The following NHSL1 variants were observed in gnomAD, a reference collection of about 807,000 sequenced individuals.
NHSL1 encodes the protein NHS-like protein 1.
A neutral mutation model predicts 95.0 loss-of-function variants in NHSL1; 48 were observed. The observed-to-expected ratio is 0.51, with a 90% CI of 0.40 to 0.64. The LOEUF (loss-of-function observed/expected upper bound fraction) is 0.64. Ranked by LOEUF, NHSL1 falls within the 30% of genes least tolerant of loss-of-function variation. The pLI, the probability that NHSL1 is intolerant of heterozygous loss-of-function variation, is 0.00. For missense variants in NHSL1, 1,971 were observed against 2,077.7 expected (o/e 0.95, Z 1.00); for synonymous variants, 783 against 833.9 (o/e 0.94, Z 1.05).
chr6:138,549,640 G>T (rs1782927788), upstream of NHSL1, among the ~76,000 whole-genome samples: 1 of 152,214 alleles, frequency 6.6e-6, no homozygotes, highest in South Asian at 2.1e-4. Context: ...GGGGTAATTT[G>T]TTACAGTGAC....
intron 1 of NHSL1, among the ~76,000 whole-genome samples, chr6:138,582,803 C>G (rs144824294): frequency 7.2e-4 from 109 of 152,330 alleles, no homozygotes; most frequent in Middle Eastern, 3.4e-3. Flanking sequence ...TGGAACATTT[C>G]TCATCTTTTC....
chr6:138,431,847 TTGAC>T lies in NHSL1; in HGVS notation c.2494_2497del (p.Val832AsnfsTer37). On this transcript the variant is annotated frameshift_variant, in exon 6 of 8. Transcript: ENST00000343505. LOFTEE classifies it high-confidence loss of function. This position sits in a 1 kb window ranked among gnomAD's most constrained non-coding sequence, Gnocchi z 4.0. ...CTTCTCTGGTGACATGATCTTTGGT[TTGAC>T]TGAACCACCGGGCACTTGGGGCATT... 2.6e-6 allele frequency: 4 copies of T among 1,551,682 alleles called. No homozygotes were observed. The highest frequency in any genetic ancestry group is 3.5e-6 in the Non-Finnish European group (4 of 1,146,978).
chr6:138,567,388 G>A (rs920383865), intron 1 of NHSL1, among the ~76,000 whole-genome samples: 7 of 152,176 alleles, frequency 4.6e-5, no homozygotes, highest in Middle Eastern at 3.4e-3. Context: ...TTCGGCCTCC[G>A]AAAATGTTGG....
rs1409652116 is a variant in NHSL1, at chr6:138,430,768, G to T, written c.3577C>A (p.Pro1193Thr). The change falls in exon 6 of 8, where the codon CCC (proline) becomes ACC (threonine). Residue 1193 changes from proline (P) to threonine (T), a missense_variant. By Grantham distance (38) the Pro-to-Thr change is conservative. Transcript: ENST00000343505. The surrounding 1 kb of genome is among the most constrained non-coding windows in gnomAD (Gnocchi z 4.7). ...LPDSSPSRKP[P>T]PISKKPKLFL... ...AGTTTGGGCTTCTTGGAAATGGGGG[G>T]TGGCTTCCTGCTGGGTGAAGAGTCT... 1.9e-6 allele frequency: 3 copies of T among 1,551,578 alleles called. No individual in the cohort carries two copies. The African/African-American group carries it at 4.1e-5, about 21-fold the overall frequency.
Position 138,424,412 on chromosome 6 carries a change from T to C in NHSL1, c.4490A>G (p.Tyr1497Cys), listed in dbSNP as rs1240759716. The C allele has an allele frequency of 6.5e-7, 1 of 1,550,072 alleles. No homozygotes were observed. The highest frequency in any genetic ancestry group is 8.7e-7 in the Non-Finnish European group (1 of 1,146,030). The change falls in exon 8 of 8, where the codon TAC (tyrosine) becomes TGC (cysteine). Residue 1497 changes from tyrosine to cysteine, a missense_variant. Physicochemically the swap from Tyr to Cys is radical, Grantham distance 194. This residue lies in a region of NHSL1 where 223 missense variants were observed against 217.0 expected (regional missense o/e 1.03). Transcript: ENST00000343505. This position sits in a 1 kb window ranked among gnomAD's most constrained non-coding sequence, Gnocchi z 5.9. Reference sequence around the variant, plus strand: ...AGAAGGCGGCGTTCGGCTGCGGCCGTACCTGGGGCCGGAAAAGGACAGACT... The same window carrying C: ...AGAAGGCGGCGTTCGGCTGCGGCCGCACCTGGGGCCGGAAAAGGACAGACT... ...PRSLSFSGPR[Y>C]GRSRTPPSAA...
intron 1 of NHSL1, among the ~76,000 whole-genome samples, chr6:138,631,569 C>T (rs1402970495): frequency 6.6e-6 from 1 of 152,120 alleles, no homozygotes; most frequent in Non-Finnish European, 1.5e-5. Context: ...GGCCCCCTTC[C>T]CAGGCCCTAG....
In NHSL1 at chr6:138,579,515, G is replaced by C. The variant is rs544946120; in HGVS notation, c.97-83144C>G. Among the ~76,000 whole-genome samples, 3 of 152,350 alleles carry C rather than the reference G, an allele frequency of 2.0e-5. No individual in the cohort carries two copies. The East Asian group carries it at 5.8e-4, about 29-fold the overall frequency. On this transcript the variant is annotated intron_variant, in intron 1 of 3. Coordinates refer to the NHSL1 transcript ENST00000491526. The stretch of plus-strand genomic sequence containing the variant: ...ACTGTTTCACTTTGGGAAGAAAGAA[G>C]CTTATTAACTGATAGGCGTATGCTT...
chr6:138,621,846 A>G (rs1784668919), intron 1 of NHSL1, among the ~76,000 whole-genome samples: 1 of 152,242 alleles, frequency 6.6e-6, no homozygotes, highest in African/African-American at 2.4e-5. Flanking sequence ...CTGTCACAGA[A>G]AGGCCACGCT....
chr6:138,538,430 G>T (rs956882239), intron 1 of NHSL1, among the ~76,000 whole-genome samples: 4 of 152,124 alleles, frequency 2.6e-5, no homozygotes, highest in Non-Finnish European at 5.9e-5. Context: ...GTATAACCCA[G>T]TTTCCCCACG....
intron 1 of NHSL1, among the ~76,000 whole-genome samples, chr6:138,616,221 G>A (rs560393299): frequency 6.6e-5 from 10 of 152,120 alleles, no homozygotes; most frequent in Admixed American, 2.0e-4. Context: ...GAGACCACAC[G>A]CAGACTATAT....
chr6:138,455,466 AGCCCCGCCTTC>A (rs1777526011), intron 3 of NHSL1, among the ~76,000 whole-genome samples: 1 of 22,372 alleles, frequency 4.5e-5, no homozygotes, highest in Admixed American at 3.9e-4. Context: ...AGCTGCAAGG[AGCCCCGCCTTC>A]ACATGCTCCC....
At chr6:138,436,713 T>C (rs1013576645) in intron 5 of NHSL1, among the ~76,000 whole-genome samples, 2 of 152,250 alleles carry the variant, frequency 1.3e-5, no homozygotes, top group Non-Finnish European at 2.9e-5. Context: ...GAGGAGTCAA[T>C]GCCTGTCTTC....
chr6:138,634,788 T>C (rs1784866828), intron 1 of NHSL1, among the ~76,000 whole-genome samples: 1 of 151,680 alleles, frequency 6.6e-6, no homozygotes, highest in Non-Finnish European at 1.5e-5. Context: ...ATAGACCATA[T>C]GTTAGGTCAC....
chr6:138,571,292 A>G (rs2114437506), intron 1 of NHSL1, among the ~76,000 whole-genome samples: 1 of 152,334 alleles, frequency 6.6e-6, no homozygotes, highest in East Asian at 1.9e-4. Context: ...AGAAGGATGC[A>G]AGAAGACTAT....
rs67335375 is a variant in NHSL1 at position 138,523,627 on chromosome 6, GAAAAA to G, written c.16+21991_16+21995del. Among the ~76,000 whole-genome samples the G allele has an allele frequency of 1.4e-4, 9 of 64,934 alleles. No individual in the cohort carries two copies. The East Asian group carries it at 1.5e-3, about 11-fold the overall frequency. 42.6% of individuals were successfully genotyped at this position (64,934 alleles called of 152,430 possible). On this transcript the variant is annotated intron_variant, in intron 1 of 4. Transcript: ENST00000342260. The stretch of plus-strand genomic sequence containing the variant: ...CCCAGCCTAGAGATGTTTTAAAGAG[GAAAAA>G]AAAAAAAAAAAAAAAAAAAACAGAG...
intron 1 of NHSL1, among the ~76,000 whole-genome samples, chr6:138,590,037 G>C (rs1784201460): frequency 6.6e-6 from 1 of 152,136 alleles, no homozygotes; most frequent in South Asian, 2.1e-4. Flanking sequence ...TCACTCTGTT[G>C]CCCAGTCTGA....
chr6:138,473,545 C>T, intron 2 of NHSL1, 112 bp from the exon 3 acceptor site: 1 of 1,189,870 alleles, frequency 8.4e-7, no homozygotes, highest in Non-Finnish European at 1.1e-6. Flanking sequence ...TTTTTCTAGG[C>T]ATTAATAGGA....
chr6:138,575,873 G>A (rs1333277736), upstream of NHSL1, among the ~76,000 whole-genome samples: 1 of 152,138 alleles, frequency 6.6e-6, no homozygotes, highest in African/African-American at 2.4e-5. Flanking sequence ...GCCCCTCCTG[G>A]CAGCAGGGCC....
intron 1 of NHSL1, among the ~76,000 whole-genome samples, chr6:138,661,362 G>A (rs990886384): frequency 7.9e-5 from 12 of 152,216 alleles, no homozygotes; most frequent in African/African-American, 2.9e-4. Context: ...AGGCAAGGTG[G>A]TGGGTGCCTG....
Sources: gnomAD v4.1 joint callset for allele counts (sites outside exome capture counted in the v4.1 genomes callset) on GRCh38, gnomAD v4.1.1 for gene constraint, gnomAD v4.1.1 regional missense constraint, Gnocchi (gnomAD v3.1) non-coding constraint, MANE v1.5 for transcripts, NCBI Gene and HGNC (gene_info 2026-07-23, HGNC 2026-07-21) for gene names.